SLC44A5: variants seen among roughly 807,000 people sequenced by gnomAD.
SLC44A5 encodes the protein choline transporter-like protein 5.
SLC44A5 carries 57 observed loss-of-function variants against 101.8 expected under a neutral mutation model. That is an observed-to-expected ratio of 0.56 (90% confidence interval 0.45 to 0.70). The LOEUF is 0.70. Among genes scored for constraint, SLC44A5 ranks in the 30% least tolerant of loss-of-function variants. SLC44A5 has a pLI of 0.00. For synonymous variants in SLC44A5, 281 were observed against 290.9 expected (o/e 0.97, Z 0.35); for missense variants, 737 against 853.1 (o/e 0.86, Z 1.70).
At chr1:75,528,710 A>C (rs537564600) in intron 2 of SLC44A5, among the ~76,000 whole-genome samples, 3 of 152,322 alleles carry the variant, frequency 2.0e-5, no homozygotes, top group Middle Eastern at 6.8e-3. Flanking sequence ...AATAAAGCCC[A>C]AATGCCTATA....
chr1:75,296,813 G>T (rs1415802762), intron 5 of SLC44A5, among the ~76,000 whole-genome samples: 1 of 152,066 alleles, frequency 6.6e-6, no homozygotes, highest in East Asian at 1.9e-4. Context: ...ATTTTGTTCT[G>T]CTTATCTATT....
chr1:75,612,828 G>T (rs1675713100), upstream of SLC44A5, among the ~76,000 whole-genome samples: 1 of 151,882 alleles, frequency 6.6e-6, no homozygotes, highest in African/African-American at 2.4e-5. Flanking sequence ...AGGGGTGGGG[G>T]TGGTGACGTG....
intron 3 of SLC44A5, among the ~76,000 whole-genome samples, chr1:75,361,369 G>A (rs1266435415): frequency 6.6e-6 from 1 of 152,004 alleles, no homozygotes; most frequent in African/African-American, 2.4e-5. Flanking sequence ...ATAAGAGTGA[G>A]CATTCTTATT....
the SLC44A5 span, among the ~76,000 whole-genome samples, chr1:75,716,858 C>G: frequency 6.7e-6 from 1 of 150,154 alleles, no homozygotes. Context: ...AGGGTGAAAC[C>G]CCATCTCTAC....
chr1:75,578,703 C>T, intron 1 of SLC44A5, among the ~76,000 whole-genome samples: 1 of 151,992 alleles, frequency 6.6e-6, no homozygotes, highest in Admixed American at 6.6e-5. Flanking sequence ...AAACAAGTTC[C>T]AGAGCTTTAT....
In SLC44A5 at chr1:75,241,993, C is replaced by T. The variant is rs141693552; in HGVS notation, c.532+8G>A. On this transcript the variant is annotated splice_region_variant and intron_variant, in intron 9 of 23. Transcript: ENST00000370859. ...CTATGTTTCTAAGGTAAAATAGTTG[C>T]CACTTACAAGGTTTGCTGGGAAAAA... 25,376 of 1,608,938 alleles carry T rather than the reference C, an allele frequency of 0.016. 360 individuals carry two copies. The highest frequency in any genetic ancestry group is 0.044 in the South Asian group (4,038 of 90,922).
Position 75,415,221 on chromosome 1 carries a change from T to C in SLC44A5, c.14-18600A>G, listed in dbSNP as rs570175990. ...TGCAGCTCCCATAATTCCCACGTGT[T>C]GTGGGAGGGACCTGGTGGGAGATGA... On this transcript the variant is annotated intron_variant, in intron 2 of 23. Coordinates refer to ENST00000370859, the MANE Select transcript of SLC44A5 (RefSeq NM_001130058.2). Among the ~76,000 whole-genome samples the C allele has an allele frequency of 2.6e-5, 4 of 152,314 alleles. No individual in the cohort carries two copies. The South Asian group carries it at 8.3e-4, about 32-fold the overall frequency.
intron 2 of SLC44A5, among the ~76,000 whole-genome samples, chr1:75,444,178 A>G (rs1665371296): frequency 6.6e-6 from 1 of 151,680 alleles, no homozygotes; most frequent in East Asian, 1.9e-4. Context: ...TTAGCTGGGC[A>G]TGGTGACGCA....
chr1:75,425,879 A>G (rs1186652292), intron 2 of SLC44A5, among the ~76,000 whole-genome samples: 1 of 152,162 alleles, frequency 6.6e-6, no homozygotes, highest in South Asian at 2.1e-4. Flanking sequence ...CAAACAATCC[A>G]GCCCTCCCTT....
intron 5 of SLC44A5, among the ~76,000 whole-genome samples, chr1:75,293,053 C>A (rs1653686690): frequency 6.6e-6 from 1 of 152,066 alleles, no homozygotes; most frequent in Admixed American, 6.6e-5. Context: ...TGTGCAGGTG[C>A]ACATGTGCTT....
intron 2 of SLC44A5, among the ~76,000 whole-genome samples, chr1:75,516,324 C>T (rs911785592): frequency 2.6e-5 from 4 of 152,028 alleles, no homozygotes; most frequent in African/African-American, 9.7e-5. Context: ...ACCATCCTGG[C>T]TAACAAGGTG....
the SLC44A5 span, among the ~76,000 whole-genome samples, chr1:75,686,003 A>G: frequency 6.6e-6 from 1 of 152,172 alleles, no homozygotes; most frequent in Non-Finnish European, 1.5e-5. Flanking sequence ...AGGAGAGGGA[A>G]GTGCTGAGTG....
intron 2 of SLC44A5, among the ~76,000 whole-genome samples, chr1:75,518,659 T>A (rs563695049): frequency 6.6e-6 from 1 of 152,380 alleles, no homozygotes; most frequent in Non-Finnish European, 1.5e-5. Context: ...CGTTTTAATT[T>A]TCTTCTTTGA....
intron 3 of SLC44A5, among the ~76,000 whole-genome samples, chr1:75,357,509 A>C (rs1659169231): frequency 6.6e-6 from 1 of 152,216 alleles, no homozygotes; most frequent in Non-Finnish European, 1.5e-5. Flanking sequence ...CAAATGTACA[A>C]AGACTGTAAC....
At chr1:75,537,027 A>G (rs1267649136) in intron 2 of SLC44A5, among the ~76,000 whole-genome samples, 19 of 34,136 alleles carry the variant, frequency 5.6e-4, no homozygotes, top group South Asian at 1.4e-3. Context: ...AAAAAAAAAA[A>G]AAAAAAATAT....
intron 5 of SLC44A5, among the ~76,000 whole-genome samples, chr1:75,288,516 T>C (rs1057224852): frequency 6.6e-6 from 1 of 152,340 alleles, no homozygotes; most frequent in Non-Finnish European, 1.5e-5. Flanking sequence ...TCTGAAGATA[T>C]AGAGATGAAT....
chr1:75,405,902 TA>T (rs1402156883), intron 2 of SLC44A5, among the ~76,000 whole-genome samples: 3 of 149,806 alleles, frequency 2.0e-5, no homozygotes, highest in Non-Finnish European at 4.4e-5. Context: ...AAAAACCCTT[TA>T]AAAAATCAAT....
At chr1:75,702,546 C>T in the SLC44A5 span, among the ~76,000 whole-genome samples, 4,814 of 152,096 alleles carry the variant, frequency 0.032, 257 homozygotes, top group African/African-American at 0.11. Flanking sequence ...GACCTAAAAC[C>T]ATAAAAACCC....
the SLC44A5 span, among the ~76,000 whole-genome samples, chr1:75,643,075 T>TAAC: frequency 6.6e-6 from 1 of 152,170 alleles, no homozygotes; most frequent in African/African-American, 2.4e-5. Flanking sequence ...CTATACTGAT[T>TAAC]TTTACTTCCA....
Sources: gnomAD v4.1 joint callset for allele counts (sites outside exome capture counted in the v4.1 genomes callset) on GRCh38, gnomAD v4.1.1 for gene constraint, MANE v1.5 for transcripts, NCBI Gene and HGNC (gene_info 2026-07-23, HGNC 2026-07-21) for gene names.